Variants in BMP3 observed in about 807,000 individuals in gnomAD.
BMP3 encodes bone morphogenetic protein 3.
A neutral mutation model predicts 38.1 loss-of-function variants in BMP3; 23 were observed. The ratio of observed to expected loss-of-function variants is 0.60; its 90% CI spans 0.43 to 0.86. The LOEUF is 0.86. Among genes scored for constraint, BMP3 ranks in the 40% least tolerant of loss-of-function variants. The pLI, the probability that BMP3 is intolerant of heterozygous loss-of-function variation, is 0.00. For synonymous variants in BMP3, 258 were observed against 225.7 expected (o/e 1.14, Z -1.28); for missense variants, 628 against 579.6 (o/e 1.08, Z -0.86).
At chr4:81,033,753 C>T (rs952286313) in intron 1 of BMP3, among the ~76,000 whole-genome samples, 1 of 152,154 alleles carries the variant, frequency 6.6e-6, no homozygotes, top group Non-Finnish European at 1.5e-5. Flanking sequence ...TCATGTGTGT[C>T]CCTCTCTCGT....
intron 2 of BMP3, among the ~76,000 whole-genome samples, chr4:81,048,000 C>A (rs545326423): frequency 2.7e-4 from 40 of 149,972 alleles, no homozygotes; most frequent in Non-Finnish European, 4.7e-4. Context: ...GCTGGGTTAG[C>A]CTTTTCAGGG....
Position 81,046,532 on chromosome 4 carries a change from G to A in BMP3, c.1111G>A (p.Ala371Thr), listed in dbSNP as rs1740253619. Reference protein sequence around the residue: ...RKQWIEPRNCARRYLKVDFAD... With the variant: ...RKQWIEPRNCTRRYLKVDFAD... ...GCAGTGGATTGAACCTCGGAATTGCGCCAGGAGATACCTCAAGGTAGACTT... is the reference window on the plus strand; with the variant it reads ...GCAGTGGATTGAACCTCGGAATTGCACCAGGAGATACCTCAAGGTAGACTT... Residue 371 changes from alanine to threonine, a missense_variant, in exon 2 of 3, where the codon GCC (alanine) becomes ACC (threonine). Coordinates refer to ENST00000282701, the MANE Select transcript of BMP3 (RefSeq NM_001201.5). 1 of 1,614,102 alleles carries A rather than the reference G, an allele frequency of 6.2e-7. No homozygotes were observed. The highest frequency in any genetic ancestry group is 8.5e-7 in the Non-Finnish European group (1 of 1,180,014).
intron 1 of BMP3, 58 bp downstream of exon 1, chr4:81,031,658 C>T (rs1211275661): frequency 7.5e-6 from 11 of 1,474,368 alleles, no homozygotes; most frequent in Non-Finnish European, 9.9e-6. Flanking sequence ...TCTCCCGGGA[C>T]CCCCCACAGC....
Position 81,034,247 on chromosome 4 carries a change from GTTT to G in BMP3, c.316+2652_316+2654del, listed in dbSNP as rs5859749. 2.0e-5 allele frequency among the ~76,000 whole-genome samples: 3 copies of G among 151,662 alleles called. No individual in the cohort carries two copies. The East Asian group carries it at 5.8e-4, about 30-fold the overall frequency. On this transcript the variant is annotated intron_variant, in intron 1 of 2. Coordinates refer to ENST00000282701, the MANE Select transcript of BMP3 (RefSeq NM_001201.5). ...AACCGTAAGTTTGGAGTGCTTGTAA[GTTT>G]TTTTGTCATGTGGAAGGGTTTACAT...
intron 1 of BMP3, among the ~76,000 whole-genome samples, chr4:81,033,212 C>T (rs1739824976): frequency 1.3e-5 from 2 of 152,224 alleles, no homozygotes; most frequent in Non-Finnish European, 2.9e-5. Context: ...TTGGGATTAA[C>T]AAGTTTCATT....
chr4:81,044,602 C>A (rs1056879699), intron 1 of BMP3, among the ~76,000 whole-genome samples: 1 of 152,152 alleles, frequency 6.6e-6, no homozygotes, highest in Non-Finnish European at 1.5e-5. Context: ...AAAACAAAAC[C>A]CTGTAACCAT....
intron 1 of BMP3, among the ~76,000 whole-genome samples, chr4:81,034,121 T>G (rs1739857200): frequency 6.6e-6 from 1 of 152,226 alleles, no homozygotes; most frequent in African/African-American, 2.4e-5. Context: ...CTGATTACTT[T>G]CTACTTAAAC....
At chr4:81,031,681 C>A (rs1021857771) in intron 1 of BMP3, 81 bp downstream of exon 1, 8 of 1,438,572 alleles carry the variant, frequency 5.6e-6, no homozygotes, top group African/African-American at 1.4e-5. Flanking sequence ...CCTTGTCTGC[C>A]CCTTGCTTGG....
At position 81,054,651 on chromosome 4, in the gene BMP3, A is replaced by T. The variant is rs536418048; in HGVS notation, c.*1115A>T. The T allele has an allele frequency of 9.9e-5, 15 of 152,256 alleles. No homozygotes were observed. Among genetic ancestry groups the T allele is most frequent in the Admixed American group, 6.5e-4 (10 of 15,288 alleles). The allele number at this position is 152,256 out of a possible 1,614,324, so 9.4% of individuals were successfully genotyped here. Reference sequence around the variant, plus strand: ...ATCAGGGCTTTTGGCTCAGTCACGAAATCTACAAGTTAGCAAAGCTTACAA... The same window carrying T: ...ATCAGGGCTTTTGGCTCAGTCACGATATCTACAAGTTAGCAAAGCTTACAA... On this transcript the variant is annotated 3_prime_UTR_variant, in exon 3 of 3. Transcript: ENST00000282701.
At chr4:81,033,128 C>CT (rs1739822829) in intron 1 of BMP3, among the ~76,000 whole-genome samples, 1 of 152,144 alleles carries the variant, frequency 6.6e-6, no homozygotes. Flanking sequence ...TCAAATGACT[C>CT]TTATCTTGAT....
At chr4:81,031,751 A>AGTC in intron 1 of BMP3, 151 bp downstream of exon 1, 1 of 973,248 alleles carries the variant, frequency 1.0e-6, no homozygotes, top group Non-Finnish European at 1.5e-6. Context: ...TCCTCCGTCC[A>AGTC]GTCACACCCC....
chr4:81,048,810 A>C (rs899324062), intron 2 of BMP3, among the ~76,000 whole-genome samples: 20 of 152,232 alleles, frequency 1.3e-4, no homozygotes, highest in Non-Finnish European at 2.9e-5. Context: ...GTCCTGGCAA[A>C]TTGCCCTGGA....
chr4:81,053,222 G>A, intron 2 of BMP3, 123 bp from the exon 3 acceptor site: 1 of 675,166 alleles, frequency 1.5e-6, no homozygotes, highest in Non-Finnish European at 2.3e-6. Context: ...GTATAATGAT[G>A]CCAGAGGTTT....
rs1319073348 is a variant in BMP3, at chr4:81,031,572, G to C, written c.288G>C (p.Thr96=). The part of the protein sequence containing the change: ...WRPRLLREGN[T]VRSFRAAAAE... Reference sequence around the variant, plus strand: ...CTCGGCTCCTGCGCGAAGGCAACACGGTTCGCAGCTTTCGGGCGGCAGCAG... The same window carrying C: ...CTCGGCTCCTGCGCGAAGGCAACACCGTTCGCAGCTTTCGGGCGGCAGCAG... The change falls in exon 1 of 3, where the codon ACG becomes ACC. Residue 96 remains threonine (T), a synonymous_variant. Coordinates refer to ENST00000282701, the MANE Select transcript of BMP3 (RefSeq NM_001201.5). The C allele has an allele frequency of 1.9e-6, 3 of 1,606,806 alleles. No individual in the cohort carries two copies. The East Asian group carries it at 6.7e-5, about 36-fold the overall frequency.
intron 1 of BMP3, among the ~76,000 whole-genome samples, chr4:81,034,606 T>C (rs2109901604): frequency 6.6e-6 from 1 of 152,238 alleles, no homozygotes; most frequent in African/African-American, 2.4e-5. Flanking sequence ...TAGGAAACTT[T>C]CACTATTCAT....
chr4:81,052,016 G>A (rs76009839), intron 2 of BMP3, among the ~76,000 whole-genome samples: 1 of 150,224 alleles, frequency 6.7e-6, no homozygotes, highest in East Asian at 2.0e-4. Flanking sequence ...TTTTTTTTAA[G>A]AGTATGCCTG....
chr4:81,047,403 C>T (rs1053540639), intron 2 of BMP3, among the ~76,000 whole-genome samples: 6 of 152,146 alleles, frequency 3.9e-5, no homozygotes, highest in Non-Finnish European at 5.9e-5. Flanking sequence ...CCAACTTGCA[C>T]GGCAAGTTCA....
At position 81,043,588 on chromosome 4, in the gene BMP3, C is replaced by T. The variant is rs896766760; in HGVS notation, c.317-2150C>T. Among the ~76,000 whole-genome samples, 4 of 31,360 alleles carry T rather than the reference C, an allele frequency of 1.3e-4. No homozygotes were observed. The Admixed American group carries it at 1.7e-3, about 13-fold the overall frequency. The allele number at this position is 31,360 out of a possible 152,430, so 20.6% of individuals were successfully genotyped here. On this transcript the variant is annotated intron_variant, in intron 1 of 2. Coordinates refer to ENST00000282701, the MANE Select transcript of BMP3 (RefSeq NM_001201.5). ...TACCCAATGCTTATCAAGCATACTA[C>T]AATTTTTTTTTTTTTTTGAGACAGC...
At chr4:81,050,870 A>G (rs1482904665) in intron 2 of BMP3, among the ~76,000 whole-genome samples, 2 of 152,182 alleles carry the variant, frequency 1.3e-5, no homozygotes, top group African/African-American at 4.8e-5. Context: ...TTTAATAAAG[A>G]GTCATGAGAA....
Sources: allele counts gnomAD v4.1 joint callset (sites outside exome capture counted in the v4.1 genomes callset), GRCh38; gene constraint gnomAD v4.1.1; transcripts MANE v1.5; gene names NCBI Gene and HGNC (gene_info 2026-07-23, HGNC 2026-07-21).